ATP1A3: variants seen among roughly 807,000 people sequenced by gnomAD.
ATP1A3 encodes the protein sodium/potassium-transporting ATPase subunit alpha-3.
Under a neutral mutation model 108.8 loss-of-function variants are expected in ATP1A3, and 12 were observed. The ratio of observed to expected loss-of-function variants is 0.11; its 90% CI spans 0.07 to 0.18. The LOEUF is 0.18. ATP1A3 is among the 10% of genes least tolerant of loss of function. The probability of loss-of-function intolerance (pLI) is 1.00; values close to 1 mark genes in which losing one functional copy is unlikely to be tolerated. For missense variants in ATP1A3, 498 were observed against 1,387.7 expected (o/e 0.36, Z 10.19); for synonymous variants, 539 against 564.5 (o/e 0.95, Z 0.64).
At chr19:41,993,586 G>C (rs1325953040) in intron 1 of ATP1A3, 2 of 1,110,082 alleles carry the variant, frequency 1.8e-6, no homozygotes, top group African/African-American at 1.6e-5. Flanking sequence ...GAAGGAGAAA[G>C]AGAGGTCATC....
rs149898088 is a variant in ATP1A3, at chr19:41,985,095, C to T, written c.816G>A (p.Thr272=). The T allele has an allele frequency of 1.3e-3, 2,083 of 1,613,872 alleles. 10 individuals are homozygous for T. Among genetic ancestry groups the T allele is most frequent in the Middle Eastern group, 4.1e-3 (25 of 6,060 alleles). The change falls in exon 8 of 23, where the codon ACG becomes ACA. Residue 272 remains threonine, a synonymous_variant. Coordinates refer to ENST00000648268, the MANE Select transcript of ATP1A3 (RefSeq NM_152296.5). The surrounding 1 kb of genome is among the most constrained non-coding windows in gnomAD (Gnocchi z 8.2). ...TLASGLEVGK[T]PIAIEIEHFI... ...AGTGCTCAATCTCGATGGCGATGGG[C>T]GTCTTGCCCACCTCCAGCCCTGATG...
intron 16 of ATP1A3, 64 bp downstream of exon 16, chr19:41,975,565 C>T: frequency 6.2e-7 from 1 of 1,606,808 alleles, no homozygotes; most frequent in Non-Finnish European, 8.5e-7. Context: ...TGGCCAGTTC[C>T]CCTTGCTGGT....
intron 18 of ATP1A3, among the ~76,000 whole-genome samples, 185 bp downstream of exon 18, chr19:41,970,000 A>C (rs2075084952): frequency 6.6e-6 from 1 of 151,882 alleles, no homozygotes; most frequent in Non-Finnish European, 1.5e-5. Flanking sequence ...CGCACACATC[A>C]ACAGCAGAGA....
In ATP1A3 at chr19:41,978,944, C is replaced by A; in HGVS notation, c.1438-146G>T. Reference sequence around the variant, plus strand: ...ACACTCTCTCACAGAGACCTCTGCTCATTCCTGTCCGCTCTGTCTATGTCA... The same window carrying A: ...ACACTCTCTCACAGAGACCTCTGCTAATTCCTGTCCGCTCTGTCTATGTCA... On this transcript the variant is annotated intron_variant, in intron 11 of 22. Coordinates refer to ENST00000648268, the MANE Select transcript of ATP1A3 (RefSeq NM_152296.5). The surrounding 1 kb of genome is among the most constrained non-coding windows in gnomAD (Gnocchi z 8.3). 1 of 669,306 alleles carries A rather than the reference C, an allele frequency of 1.5e-6. No individual in the cohort carries two copies. The highest frequency in any genetic ancestry group is 1.8e-5 in the South Asian group (1 of 54,546). 41.5% of individuals were successfully genotyped at this position (669,306 alleles called of 1,614,324 possible). A position where few individuals can be genotyped will look rare whatever the true frequency, so the allele number is the denominator to read the frequency against.
At chr19:41,989,420 G>A (rs945134885) in intron 1 of ATP1A3, among the ~76,000 whole-genome samples, 13 of 148,118 alleles carry the variant, frequency 8.8e-5, no homozygotes, top group South Asian at 2.2e-4. Flanking sequence ...CCAGGTTCAC[G>A]CCATTCTCCT....
chr19:41,976,945 C>T (rs930519628), intron 14 of ATP1A3, among the ~76,000 whole-genome samples: 1 of 151,888 alleles, frequency 6.6e-6, no homozygotes, highest in Admixed American at 6.6e-5. Context: ...GATAGGATTA[C>T]AGGTGCCCAC....
At position 41,988,574 on chromosome 19, in the gene ATP1A3, C is replaced by T. The variant is rs369150627; in HGVS notation, c.7-12G>A. ...TCATCTTTCTTGTCCTGCGAGGTGG[C>T]GATACGATAGCTGTCAGAGCCACCA... is the stretch of plus-strand genomic sequence containing the variant. On this transcript the variant is annotated splice_polypyrimidine_tract_variant and intron_variant, in intron 1 of 22. Transcript: ENST00000648268. This position sits in a 1 kb window ranked among gnomAD's most constrained non-coding sequence, Gnocchi z 5.3. 9.9e-6 allele frequency: 16 copies of T among 1,613,966 alleles called. No homozygotes were observed. The highest frequency in any genetic ancestry group is 1.7e-5 in the Admixed American group (1 of 59,994).
intron 1 of ATP1A3, among the ~76,000 whole-genome samples, chr19:41,990,228 CT>C (rs1365736265): frequency 4.0e-5 from 6 of 151,280 alleles, no homozygotes; most frequent in African/African-American, 1.5e-4. Flanking sequence ...TCTAATATCT[CT>C]CTCTGGGATC....
At position 41,966,582 on chromosome 19, in the gene ATP1A3, TTC is replaced by T; in HGVS notation, c.*353_*354del. The T allele has an allele frequency of 7.2e-7, 1 of 1,387,050 alleles. No homozygotes were observed. The highest frequency in any genetic ancestry group is 3.9e-5 in the East Asian group (1 of 25,912). The allele number at this position is 1,387,050 out of a possible 1,614,324, so 85.9% of individuals were successfully genotyped here. A position where few individuals can be genotyped will look rare whatever the true frequency, so the allele number is the denominator to read the frequency against. On this transcript the variant is annotated 3_prime_UTR_variant, in exon 23 of 23. Coordinates refer to ENST00000648268, the MANE Select transcript of ATP1A3 (RefSeq NM_152296.5). ...AAAGCAGGCACAACACACACACCGCTTCTCTCTCCCCACTGATATATTTGATA... is the reference window on the plus strand; with the variant it reads ...AAAGCAGGCACAACACACACACCGCTTCTCTCCCCACTGATATATTTGATA...
intron 16 of ATP1A3, 129 bp downstream of exon 16, chr19:41,975,500 G>T: frequency 1.5e-6 from 2 of 1,369,668 alleles, no homozygotes; most frequent in Non-Finnish European, 2.0e-6. Context: ...GACAGGCTCA[G>T]GCTCCTCCAG....
At chr19:41,970,102 G>A in intron 18 of ATP1A3, 83 bp downstream of exon 18, 1 of 1,610,850 alleles carries the variant, frequency 6.2e-7, no homozygotes, top group Non-Finnish European at 8.5e-7. Flanking sequence ...GTCAATGCCA[G>A]GGTCCCAAGC....
intron 1 of ATP1A3, among the ~76,000 whole-genome samples, chr19:41,991,675 G>C (rs557786596): frequency 6.6e-6 from 1 of 152,094 alleles, no homozygotes; most frequent in Non-Finnish European, 1.5e-5. Context: ...GCTGATGCTC[G>C]GGGCCCCATA....
rs188903962 is a variant in ATP1A3, at chr19:41,990,562, T to C, written c.7-2000A>G. ...CTCCTTCCCCATATATCTCTCATTC[T>C]CTTTCTCTCTCTTACTACCTCATCC... On this transcript the variant is annotated intron_variant, in intron 1 of 22. Coordinates refer to ENST00000648268, the MANE Select transcript of ATP1A3 (RefSeq NM_152296.5). Among the ~76,000 whole-genome samples, 265 of 149,416 alleles carry C rather than the reference T, an allele frequency of 1.8e-3. 1 individual carries two copies. The highest frequency in any genetic ancestry group is 2.1e-3 in the Non-Finnish European group (143 of 67,306).
chr19:41,993,493 C>T (rs2145994224), intron 1 of ATP1A3: 4 of 1,375,402 alleles, frequency 2.9e-6, no homozygotes, highest in Non-Finnish European at 2.9e-6. Context: ...TGCGACACTG[C>T]GGAGCCTGCA....
At chr19:41,993,299 C>T in intron 1 of ATP1A3, 11 of 1,284,402 alleles carry the variant, frequency 8.6e-6, no homozygotes, top group Non-Finnish European at 8.7e-6. Context: ...GACAAGGACA[C>T]ACGGACACAG....
chr19:41,989,491 T>C (rs2075316524), intron 1 of ATP1A3, among the ~76,000 whole-genome samples: 1 of 152,076 alleles, frequency 6.6e-6, no homozygotes, highest in South Asian at 2.1e-4. Flanking sequence ...GCTCATTTTT[T>C]TGTATTTTTA....
At chr19:41,991,702 C>T (rs2075340029) in intron 1 of ATP1A3, among the ~76,000 whole-genome samples, 1 of 152,028 alleles carries the variant, frequency 6.6e-6, no homozygotes, top group African/African-American at 2.4e-5. Flanking sequence ...AAGGGCTGGG[C>T]CGGACTCTCA....
chr19:41,992,046 G>A (rs2075344780), intron 1 of ATP1A3, among the ~76,000 whole-genome samples: 1 of 144,890 alleles, frequency 6.9e-6, no homozygotes, highest in African/African-American at 2.7e-5. Flanking sequence ...TGAGGGAGGA[G>A]GGGCTGGGGC....
intron 16 of ATP1A3, among the ~76,000 whole-genome samples, chr19:41,975,010 G>A (rs1478970105): frequency 6.6e-6 from 1 of 151,998 alleles, no homozygotes. Context: ...TGGCAGAGGG[G>A]GTATCCCCCA....
Sources: gnomAD v4.1 joint callset for allele counts (sites outside exome capture counted in the v4.1 genomes callset) on GRCh38, gnomAD v4.1.1 for gene constraint, Gnocchi (gnomAD v3.1) non-coding constraint, MANE v1.5 for transcripts, NCBI Gene and HGNC (gene_info 2026-07-23, HGNC 2026-07-21) for gene names.